Variants in XRCC4 observed in about 807,000 individuals in gnomAD.
The protein encoded by XRCC4 is X-ray repair cross complementing 4.
In XRCC4, 28 loss-of-function variants were observed where a neutral mutation model predicts 39.1. That is an observed-to-expected ratio of 0.72 (90% CI 0.53 to 0.98). The LOEUF is 0.98. Ranked by LOEUF, XRCC4 falls within the 50% of genes least tolerant of loss-of-function variation. The pLI, the probability that XRCC4 is intolerant of heterozygous loss-of-function variation, is 0.00. For missense variants in XRCC4, 350 were observed against 376.4 expected (o/e 0.93, Z 0.58); for synonymous variants, 123 against 126.4 (o/e 0.97, Z 0.18).
At chr5:83,234,510 A>G (rs918798916) in intron 6 of XRCC4, among the ~76,000 whole-genome samples, 1 of 152,118 alleles carries the variant, frequency 6.6e-6, no homozygotes, top group East Asian at 1.9e-4. Context: ...GGGTTCAACA[A>G]TCCTCCCATT....
At chr5:83,198,486 C>A (rs1157268491) in intron 4 of XRCC4, among the ~76,000 whole-genome samples, 1 of 151,810 alleles carries the variant, frequency 6.6e-6, no homozygotes, top group Non-Finnish European at 1.5e-5. Context: ...AAACAATATC[C>A]CATTGTTTGC....
chr5:83,308,152 G>A (rs1172274380), intron 7 of XRCC4, among the ~76,000 whole-genome samples: 4 of 152,108 alleles, frequency 2.6e-5, no homozygotes, highest in African/African-American at 9.7e-5. Flanking sequence ...CTTGTTAGAA[G>A]ATATCTACAA....
intron 3 of XRCC4, among the ~76,000 whole-genome samples, chr5:83,129,459 GC>G (rs1747449573): frequency 6.6e-6 from 1 of 152,106 alleles, no homozygotes; most frequent in South Asian, 2.1e-4. Context: ...GGCAATGCGG[GC>G]CCTTTTTTGG....
intron 7 of XRCC4, among the ~76,000 whole-genome samples, chr5:83,315,993 T>A (rs1755867767): frequency 1.3e-5 from 2 of 152,170 alleles, no homozygotes. Flanking sequence ...GAAAATGTTC[T>A]GGAAAGGAGT....
intron 6 of XRCC4, among the ~76,000 whole-genome samples, chr5:83,238,557 TAA>T (rs1396213352): frequency 6.6e-6 from 1 of 151,890 alleles, no homozygotes; most frequent in Non-Finnish European, 1.5e-5. Flanking sequence ...TAATTTTAAA[TAA>T]GACAAAAATA....
chr5:83,118,754 G>A (rs1746860058), intron 3 of XRCC4, among the ~76,000 whole-genome samples: 1 of 152,282 alleles, frequency 6.6e-6, no homozygotes, highest in African/African-American at 2.4e-5. Flanking sequence ...TGTAAAAACT[G>A]GAAGATGGAT....
chr5:83,326,011 G>C (rs1435075406), intron 7 of XRCC4, among the ~76,000 whole-genome samples: 1 of 151,776 alleles, frequency 6.6e-6, no homozygotes, highest in Non-Finnish European at 1.5e-5. Flanking sequence ...ACTAGCATGA[G>C]ATGGTATCTC....
At chr5:83,159,658 G>A (rs1175197120) in intron 3 of XRCC4, among the ~76,000 whole-genome samples, 2 of 152,144 alleles carry the variant, frequency 1.3e-5, no homozygotes, top group African/African-American at 4.8e-5. Context: ...GAAAATTTGG[G>A]ACTGGGGTAG....
chr5:83,267,798 A>C (rs1032975908), intron 7 of XRCC4, among the ~76,000 whole-genome samples: 2 of 152,152 alleles, frequency 1.3e-5, no homozygotes, highest in African/African-American at 2.4e-5. Flanking sequence ...CCTTACTAAA[A>C]AGAAGGGCTA....
intron 2 of XRCC4, among the ~76,000 whole-genome samples, chr5:83,105,638 A>G (rs1233131829): frequency 6.6e-6 from 1 of 152,212 alleles, no homozygotes; most frequent in South Asian, 2.1e-4. Flanking sequence ...CCCTCAAATC[A>G]TGTATGGAAC....
chr5:83,258,118 C>T (rs1009353448), intron 6 of XRCC4, among the ~76,000 whole-genome samples: 11 of 152,084 alleles, frequency 7.2e-5, no homozygotes, highest in East Asian at 5.8e-4. Flanking sequence ...AGCACACCAC[C>T]GTGGCACTTG....
chr5:83,325,143 A>G (rs968482349), intron 7 of XRCC4, among the ~76,000 whole-genome samples: 1 of 152,084 alleles, frequency 6.6e-6, no homozygotes, highest in Non-Finnish European at 1.5e-5. Flanking sequence ...CTGCCTCCTA[A>G]TAAAAGCTAT....
chr5:83,131,753 T>C (rs999760503), intron 3 of XRCC4, among the ~76,000 whole-genome samples: 1 of 152,122 alleles, frequency 6.6e-6, no homozygotes, highest in Non-Finnish European at 1.5e-5. Context: ...CTTCATCCCT[T>C]TATTTTGAGC....
intron 7 of XRCC4, among the ~76,000 whole-genome samples, chr5:83,269,450 C>A: frequency 6.7e-6 from 1 of 148,858 alleles, no homozygotes; most frequent in Non-Finnish European, 1.5e-5. Context: ...TCTAGAATGC[C>A]CAATTAAAAT....
rs552243159 is a variant in XRCC4 at position 83,116,097 on chromosome 5, C to T, written c.315+4894C>T. 4.6e-5 allele frequency among the ~76,000 whole-genome samples: 7 copies of T among 152,242 alleles called. No homozygotes were observed. The East Asian group carries it at 1.3e-3, about 29-fold the overall frequency. On this transcript the variant is annotated intron_variant, in intron 3 of 7. Transcript: ENST00000396027. ...AGATTCATCTGCTGGCAAAAAAAAT[C>T]TGCAGACAATGGGAAACATGGCAGA... is the stretch of plus-strand genomic sequence containing the variant.
At chr5:83,110,302 T>C (rs1746382878) in intron 2 of XRCC4, among the ~76,000 whole-genome samples, 1 of 152,040 alleles carries the variant, frequency 6.6e-6, no homozygotes, top group South Asian at 2.1e-4. Flanking sequence ...AAAATACGTT[T>C]ATTTAAATAT....
intron 7 of XRCC4, among the ~76,000 whole-genome samples, chr5:83,296,685 G>A (rs1459397336): frequency 1.3e-5 from 2 of 151,810 alleles, no homozygotes; most frequent in African/African-American, 4.8e-5. Context: ...TTAAAGAAGA[G>A]CAATAAATTA....
intron 3 of XRCC4, among the ~76,000 whole-genome samples, chr5:83,163,995 A>G (rs1280611547): frequency 6.6e-6 from 1 of 152,178 alleles, no homozygotes; most frequent in African/African-American, 2.4e-5. Flanking sequence ...CCACCATGTC[A>G]AAGATCTTGT....
chr5:83,234,175 A>G (rs1752602763), intron 6 of XRCC4, among the ~76,000 whole-genome samples: 1 of 152,120 alleles, frequency 6.6e-6, no homozygotes, highest in Admixed American at 6.5e-5. Flanking sequence ...CTTTATAATG[A>G]GGTCAGGGAA....
Sources: allele counts gnomAD v4.1 joint callset (sites outside exome capture counted in the v4.1 genomes callset), GRCh38; gene constraint gnomAD v4.1.1; transcripts MANE v1.5; gene names NCBI Gene and HGNC (gene_info 2026-07-23, HGNC 2026-07-21).